The following EXTL3 variants were observed in gnomAD, a reference collection of about 807,000 sequenced individuals.
The protein encoded by EXTL3 is exostosin like glycosyltransferase 3.
EXTL3 carries 27 observed loss-of-function variants against 69.3 expected under a neutral mutation model. The ratio of observed to expected loss-of-function variants is 0.39; its 90% CI spans 0.29 to 0.54. The LOEUF is 0.54. EXTL3 is among the 20% of genes least tolerant of loss of function. The pLI, the probability that EXTL3 is intolerant of heterozygous loss-of-function variation, is 0.69. For missense variants in EXTL3, 1,003 were observed against 1,231.8 expected (o/e 0.81, Z 2.78); for synonymous variants, 511 against 499.4 (o/e 1.02, Z -0.31).
At chr8:28,697,491 G>T (rs1360613240), upstream of EXTL3, 3 of 152,172 alleles carry the variant, frequency 2.0e-5, no homozygotes, top group Non-Finnish European at 4.4e-5. Context: ...GGGTACCAAA[G>T]GTTCAATGCG....
At chr8:28,640,712 C>T (rs963136977) in intron 1 of EXTL3, among the ~76,000 whole-genome samples, 3 of 152,204 alleles carry the variant, frequency 2.0e-5, no homozygotes, top group African/African-American at 7.2e-5. Flanking sequence ...AAGCAGTTCT[C>T]CTGCCTCAGC....
At chr8:28,718,291 A>G in intron 3 of EXTL3, 84 bp downstream of exon 3, 3 of 1,348,314 alleles carry the variant, frequency 2.2e-6, no homozygotes, top group Non-Finnish European at 3.2e-6. Context: ...TCACTTTAGC[A>G]ATCGTAACTT....
At chr8:28,616,671 C>T (rs932742874) in intron 2 of EXTL3, among the ~76,000 whole-genome samples, 4 of 151,874 alleles carry the variant, frequency 2.6e-5, no homozygotes, top group Non-Finnish European at 5.9e-5. Flanking sequence ...AGATTCTTGC[C>T]CAGGGCTGAT....
At position 28,716,573 on chromosome 8, in the gene EXTL3, A is replaced by C; in HGVS notation, c.514A>C (p.Lys172Gln). ...GGACGATGCCGGCCTCCCTCCCCCG[A>C]AGGCCACTCGGGGCTGCCGGCTACA... Reference protein sequence around the residue: ...EKDDAGLPPPKATRGCRLHNC... With the variant: ...EKDDAGLPPPQATRGCRLHNC... Residue 172 changes from lysine (K) to glutamine (Q), a missense_variant, in exon 3 of 7, where the codon AAG becomes CAG. This residue lies in a region of EXTL3 where 742 missense variants were observed against 815.4 expected (regional missense o/e 0.91). Coordinates refer to ENST00000220562, the MANE Select transcript of EXTL3 (RefSeq NM_001440.4). The surrounding 1 kb of genome is among the most constrained non-coding windows in gnomAD (Gnocchi z 7.1). 1 of 1,614,078 alleles carries C rather than the reference A, an allele frequency of 6.2e-7. No individual in the cohort carries two copies. Among genetic ancestry groups the C allele is most frequent in the Non-Finnish European group, 8.5e-7 (1 of 1,180,014 alleles).
intron 1 of EXTL3, among the ~76,000 whole-genome samples, chr8:28,670,560 T>C (rs548508377): frequency 9.9e-5 from 15 of 152,236 alleles, no homozygotes; most frequent in African/African-American, 3.4e-4. Context: ...GAAGAGGTGA[T>C]GTCTCAGTTC....
intron 4 of EXTL3, among the ~76,000 whole-genome samples, chr8:28,735,789 A>G (rs779848467): frequency 3.9e-5 from 6 of 152,216 alleles, no homozygotes; most frequent in East Asian, 1.9e-4. Context: ...GGCAGATACA[A>G]TCAATCATAA....
At chr8:28,624,859 G>C (rs935410986) in intron 1 of EXTL3, among the ~76,000 whole-genome samples, 1 of 152,166 alleles carries the variant, frequency 6.6e-6, no homozygotes. Flanking sequence ...CCTATGGAAA[G>C]ACACTGACAC....
chr8:28,688,599 A>G (rs988333286), intron 1 of EXTL3, among the ~76,000 whole-genome samples: 11 of 152,252 alleles, frequency 7.2e-5, no homozygotes, highest in African/African-American at 9.6e-5. Flanking sequence ...ATGAATACAT[A>G]GTGGAACAAG....
intron 1 of EXTL3, among the ~76,000 whole-genome samples, chr8:28,685,108 C>A (rs939783642): frequency 6.6e-6 from 1 of 151,544 alleles, no homozygotes; most frequent in Non-Finnish European, 1.5e-5. Context: ...CGTGCCACCA[C>A]GCCTAGCTAA....
chr8:28,644,274 T>C (rs551944655), intron 1 of EXTL3, among the ~76,000 whole-genome samples: 2 of 152,364 alleles, frequency 1.3e-5, no homozygotes, highest in East Asian at 1.9e-4. Flanking sequence ...AGTTTCACTA[T>C]TGGACATTTA....
chr8:28,696,989 G>C (rs1800695351), upstream of EXTL3: 3 of 152,116 alleles, frequency 2.0e-5, no homozygotes. Context: ...ACCGTCACTG[G>C]CTTATACTAG....
intron 1 of EXTL3, among the ~76,000 whole-genome samples, chr8:28,691,227 T>A (rs1276570117): frequency 1.3e-5 from 2 of 152,174 alleles, no homozygotes; most frequent in Non-Finnish European, 2.9e-5. Context: ...AAAGGGAGAA[T>A]AACATAATCT....
intron 1 of EXTL3, among the ~76,000 whole-genome samples, chr8:28,666,467 A>G (rs921126204): frequency 6.6e-6 from 1 of 151,894 alleles, no homozygotes; most frequent in African/African-American, 2.4e-5. Context: ...GAGTCTCACT[A>G]TGTTGCCCAG....
chr8:28,645,337 A>T (rs1188088753), intron 1 of EXTL3, among the ~76,000 whole-genome samples: 3 of 152,262 alleles, frequency 2.0e-5, no homozygotes, highest in African/African-American at 7.2e-5. Flanking sequence ...TTTAGGTCTA[A>T]CATGTTCATC....
At chr8:28,720,889 T>A (rs1801280135) in intron 3 of EXTL3, among the ~76,000 whole-genome samples, 1 of 152,206 alleles carries the variant, frequency 6.6e-6, no homozygotes, top group Non-Finnish European at 1.5e-5. Flanking sequence ...GAGAGTATTA[T>A]TATGCCAAGG....
upstream of EXTL3, chr8:28,698,417 T>G (rs1264822654): frequency 6.6e-6 from 1 of 152,214 alleles, no homozygotes; most frequent in African/African-American, 2.4e-5. Context: ...TCTGTGGTGT[T>G]GGACACCTTA....
intron 3 of EXTL3, among the ~76,000 whole-genome samples, chr8:28,726,581 G>C (rs1454261190): frequency 2.6e-5 from 4 of 152,216 alleles, no homozygotes; most frequent in Non-Finnish European, 2.9e-5. Context: ...GTGACATTTT[G>C]GGTCAGATAA....
intron 3 of EXTL3, among the ~76,000 whole-genome samples, chr8:28,728,304 G>A (rs542298691): frequency 3.9e-5 from 6 of 152,368 alleles, no homozygotes; most frequent in African/African-American, 1.4e-4. Context: ...GAGTGGAACC[G>A]ACAGCTGCTA....
intron 1 of EXTL3, among the ~76,000 whole-genome samples, chr8:28,627,928 G>A (rs1383136426): frequency 6.6e-6 from 1 of 152,010 alleles, no homozygotes; most frequent in African/African-American, 2.4e-5. Flanking sequence ...AGAAGCTAGG[G>A]GGAGGAGGAG....
Sources: gnomAD v4.1 joint callset for allele counts (sites outside exome capture counted in the v4.1 genomes callset) on GRCh38, gnomAD v4.1.1 for gene constraint, gnomAD v4.1.1 regional missense constraint, Gnocchi (gnomAD v3.1) non-coding constraint, MANE v1.5 for transcripts, NCBI Gene and HGNC (gene_info 2026-07-23, HGNC 2026-07-21) for gene names.